The following PPARG variants were observed in gnomAD, a reference collection of about 807,000 sequenced individuals.
PPARG encodes the protein peroxisome proliferator activated receptor gamma.
Under a neutral mutation model 39.2 loss-of-function variants are expected in PPARG, and 17 were observed. That is an observed-to-expected ratio of 0.43 (90% CI 0.30 to 0.65). The LOEUF is 0.65. Ranked by LOEUF, PPARG falls within the 30% of genes least tolerant of loss-of-function variation. PPARG has a pLI of 0.13. For synonymous variants in PPARG, 223 were observed against 215.7 expected, an observed-to-expected ratio of 1.03 and a Z score of -0.30; for missense variants, 406 against 585.9, an observed-to-expected ratio of 0.69 and a Z score of 3.17.
chr3:12,384,837 A>G (rs2049814497), intron 4 of PPARG, among the ~76,000 whole-genome samples: 2 of 152,256 alleles, frequency 1.3e-5, no homozygotes, highest in Non-Finnish European at 2.9e-5. Context: ...GTGTTCTTGT[A>G]TATAATAATT....
At chr3:12,380,861 C>T (rs958277677) in intron 3 of PPARG, among the ~76,000 whole-genome samples, 1 of 152,164 alleles carries the variant, frequency 6.6e-6, no homozygotes, top group Non-Finnish European at 1.5e-5. Context: ...TCAAGCTAGG[C>T]ATACCATGAC....
At chr3:12,395,015 T>G (rs2050209180) in intron 5 of PPARG, among the ~76,000 whole-genome samples, 1 of 152,194 alleles carries the variant, frequency 6.6e-6, no homozygotes, top group Admixed American at 6.5e-5. Flanking sequence ...CTCTGATTAG[T>G]CTGGTTGATG....
chr3:12,424,755 G>T (rs2051379654), intron 7 of PPARG, among the ~76,000 whole-genome samples: 1 of 152,256 alleles, frequency 6.6e-6, no homozygotes, highest in African/African-American at 2.4e-5. Context: ...CTGGCCCATT[G>T]CAAAGCCCTG....
At chr3:12,430,380 C>G (rs904395968) in intron 7 of PPARG, among the ~76,000 whole-genome samples, 1 of 152,152 alleles carries the variant, frequency 6.6e-6, no homozygotes, top group Admixed American at 6.5e-5. Flanking sequence ...CACGGTCTAA[C>G]GGGGGAGAAA....
At chr3:12,396,153 G>A (rs1212202679) in intron 5 of PPARG, among the ~76,000 whole-genome samples, 2 of 151,250 alleles carry the variant, frequency 1.3e-5, no homozygotes, top group Non-Finnish European at 2.9e-5. Flanking sequence ...ATGGAGTCTC[G>A]CTCTGTCGCC....
intron 5 of PPARG, among the ~76,000 whole-genome samples, chr3:12,405,290 G>A (rs573747707): frequency 2.0e-5 from 3 of 152,274 alleles, no homozygotes; most frequent in Non-Finnish European, 4.4e-5. Context: ...GGTAACTCTG[G>A]AGAGTCGGGA....
At chr3:12,325,904 C>T (rs1339710892) in intron 2 of PPARG, among the ~76,000 whole-genome samples, 3 of 151,880 alleles carry the variant, frequency 2.0e-5, no homozygotes, top group Non-Finnish European at 2.9e-5. Context: ...TTCCAGTTTT[C>T]GGTCGTTCAT....
At chr3:12,361,797 C>T (rs2048855602) in intron 2 of PPARG, among the ~76,000 whole-genome samples, 1 of 152,214 alleles carries the variant, frequency 6.6e-6, no homozygotes, top group Non-Finnish European at 1.5e-5. Context: ...TTCAAGATTT[C>T]CTTGCCACTT....
rs567956017 is a variant in PPARG, at chr3:12,374,504, C to T, written c.-8-5200C>T. 8.6e-5 allele frequency among the ~76,000 whole-genome samples: 13 copies of T among 152,040 alleles called. No homozygotes were observed. The East Asian group carries it at 2.5e-3, about 29-fold the overall frequency. On this transcript the variant is annotated intron_variant, in intron 2 of 7. Transcript: ENST00000651735. ...ATCCCAGCTACTCAGGAGGCTGGGG[C>T]AGGAGAATCATATGAACCTGGGAGG...
chr3:12,342,979 A>G (rs1175110216), intron 2 of PPARG, among the ~76,000 whole-genome samples: 5 of 152,178 alleles, frequency 3.3e-5, no homozygotes, highest in African/African-American at 1.2e-4. Context: ...TGTAAACTGT[A>G]TTGTACTTCA....
intron 2 of PPARG, among the ~76,000 whole-genome samples, chr3:12,352,635 CACTT>C (rs2048524587): frequency 6.6e-6 from 1 of 152,120 alleles, no homozygotes; most frequent in African/African-American, 2.4e-5. Flanking sequence ...AAAATTAAGT[CACTT>C]AATTGCTGAA....
chr3:12,329,257 A>G (rs1019111265), intron 2 of PPARG, among the ~76,000 whole-genome samples: 2 of 151,704 alleles, frequency 1.3e-5, no homozygotes, highest in South Asian at 4.2e-4. Context: ...TGTCACCTCC[A>G]CTAGAGGGGG....
At chr3:12,417,633 A>G (rs1259625583) in intron 7 of PPARG, among the ~76,000 whole-genome samples, 1 of 152,190 alleles carries the variant, frequency 6.6e-6, no homozygotes, top group Non-Finnish European at 1.5e-5. Context: ...CTTTTGTGAT[A>G]TCAGGAATTA....
At chr3:12,414,370 A>G (rs924282704) in intron 6 of PPARG, among the ~76,000 whole-genome samples, 1 of 152,166 alleles carries the variant, frequency 6.6e-6, no homozygotes, top group Admixed American at 6.5e-5. Flanking sequence ...CCTAGCACGC[A>G]CTTAGGGAGG....
chr3:12,294,842 G>T (rs897553223), intron 1 of PPARG, among the ~76,000 whole-genome samples: 1 of 152,126 alleles, frequency 6.6e-6, no homozygotes, highest in African/African-American at 2.4e-5. Context: ...GCAGTGAGCC[G>T]AGATCACGCT....
chr3:12,401,718 T>C (rs1016038341), intron 5 of PPARG, among the ~76,000 whole-genome samples: 2 of 152,174 alleles, frequency 1.3e-5, no homozygotes, highest in Admixed American at 1.3e-4. Flanking sequence ...TGGGATCGAT[T>C]TTTCATTCCT....
chr3:12,333,543 C>CA (rs1258236744), intron 2 of PPARG, among the ~76,000 whole-genome samples: 1 of 152,134 alleles, frequency 6.6e-6, no homozygotes, highest in Non-Finnish European at 1.5e-5. Context: ...TGGCTCACTG[C>CA]AACCTCAACC....
Position 12,367,691 on chromosome 3 carries a change from A to T in PPARG, c.-8-12013A>T, listed in dbSNP as rs190892282. ...TAATGATACCTTGCCTCTACAAAAAAAAAAATAAAAATAAAAAAATAAAAA... is the reference window on the plus strand; with the variant it reads ...TAATGATACCTTGCCTCTACAAAAATAAAAATAAAAATAAAAAAATAAAAA... On this transcript the variant is annotated intron_variant, in intron 2 of 7. Coordinates refer to ENST00000651735, the MANE Select transcript of PPARG (RefSeq NM_138711.6). Among the ~76,000 whole-genome samples the T allele has an allele frequency of 3.9e-3, 589 of 150,514 alleles. 1 individual carries two copies. The highest frequency in any genetic ancestry group is 6.9e-3 in the Middle Eastern group (2 of 288).
intron 4 of PPARG, among the ~76,000 whole-genome samples, 166 bp downstream of exon 4, chr3:12,381,657 A>G (rs1028362568): frequency 6.6e-6 from 1 of 152,180 alleles, no homozygotes; most frequent in Non-Finnish European, 1.5e-5. Flanking sequence ...AGCACACTGC[A>G]GCCTTGAGCT....
Sources: gnomAD v4.1 joint callset for allele counts (sites outside exome capture counted in the v4.1 genomes callset) on GRCh38, gnomAD v4.1.1 for gene constraint, MANE v1.5 for transcripts, NCBI Gene and HGNC (gene_info 2026-07-23, HGNC 2026-07-21) for gene names.